The following ATP11A variants were observed in gnomAD, a reference collection of about 807,000 sequenced individuals.
ATP11A encodes ATPase phospholipid transporting 11A, also known as phospholipid-transporting ATPase IH.
A neutral mutation model predicts 154.4 loss-of-function variants in ATP11A; 81 were observed. The observed-to-expected ratio is 0.52, with a 90% CI of 0.44 to 0.63. The LOEUF is 0.63. Among genes scored for constraint, ATP11A ranks in the 30% least tolerant of loss-of-function variants. ATP11A has a pLI of 0.00. For missense variants in ATP11A, 1,316 were observed against 1,474.3 expected (o/e 0.89, Z 1.76); for synonymous variants, 623 against 585.9 (o/e 1.06, Z -0.91).
chr13:112,721,897 C>T (rs1367009079), intron 1 of ATP11A, among the ~76,000 whole-genome samples: 1 of 152,206 alleles, frequency 6.6e-6, no homozygotes, highest in Non-Finnish European at 1.5e-5. Context: ...CCGTCAGCAC[C>T]GCAGCCGCTG....
chr13:112,854,545 C>T lies in ATP11A; in HGVS notation c.2243+15C>T, dbSNP rs888472833. 2.5e-6 allele frequency: 4 copies of T among 1,595,788 alleles called. No individual in the cohort carries two copies. In the African/African-American group the frequency reaches 4.0e-5, roughly 16 times the overall value. On this transcript the variant is annotated intron_variant, in intron 19 of 29. Coordinates refer to ENST00000375645, the MANE Select transcript of ATP11A (RefSeq NM_015205.3). ...AACCTGTCCGGGTAGGCAGCGCGTC[C>T]CCGCCCCCACCCCCACACTCCCGCA...
At chr13:112,877,729 G>A (rs997708780) in intron 28 of ATP11A, among the ~76,000 whole-genome samples, 2 of 152,202 alleles carry the variant, frequency 1.3e-5, no homozygotes, top group African/African-American at 4.8e-5. Context: ...GCCTCTCCCC[G>A]CAGGAGTCTG....
chr13:112,744,643 G>A (rs1353029853), intron 1 of ATP11A, among the ~76,000 whole-genome samples: 2 of 152,172 alleles, frequency 1.3e-5, no homozygotes, highest in African/African-American at 2.4e-5. Flanking sequence ...GTCAGCTCTC[G>A]GCTCGGTGCT....
In ATP11A at chr13:112,856,042, G is replaced by A. The variant is rs1181358755; in HGVS notation, c.2375G>A (p.Ser792Asn). 3.7e-6 allele frequency: 6 copies of A among 1,613,908 alleles called. No homozygotes were observed. The African/African-American group carries it at 8.0e-5, about 22-fold the overall frequency. Reference sequence around the variant, plus strand: ...TTCCTGGAAATCTGCCGGAGCTGCAGCGCGGTGCTCTGCTGCCGCATGGCG... The same window carrying A: ...TTCCTGGAAATCTGCCGGAGCTGCAACGCGGTGCTCTGCTGCCGCATGGCG... The part of the protein sequence containing the change: ...ELFLEICRSC[S>N]AVLCCRMAPL... Residue 792 changes from serine (S) to asparagine (N), a missense_variant, in exon 20 of 30, where the codon AGC (serine) becomes AAC (asparagine). Physicochemically the swap from Ser to Asn is conservative, Grantham distance 46. Coordinates refer to ENST00000375645, the MANE Select transcript of ATP11A (RefSeq NM_015205.3).
intron 2 of ATP11A, among the ~76,000 whole-genome samples, chr13:112,794,188 C>T (rs768157134): frequency 3.3e-5 from 5 of 152,126 alleles, no homozygotes; most frequent in Non-Finnish European, 7.3e-5. Flanking sequence ...GCCAGGAGCT[C>T]CTAGGATTGA....
chr13:112,828,129 C>CAGTGTTGAGTGGGGGGAA (rs2078983906), intron 12 of ATP11A, among the ~76,000 whole-genome samples: 1 of 103,494 alleles, frequency 9.7e-6, no homozygotes. Flanking sequence ...AAGCGCCCAG[C>CAGTGTTGAGTGGGGGGAA]AGCGTTGAGT....
intron 2 of ATP11A, among the ~76,000 whole-genome samples, chr13:112,791,802 C>A (rs963789459): frequency 1.3e-5 from 2 of 152,190 alleles, no homozygotes; most frequent in Admixed American, 6.5e-5. Flanking sequence ...TCTTCAGTTT[C>A]TGATCCGGGG....
intron 1 of ATP11A, among the ~76,000 whole-genome samples, chr13:112,726,169 CA>C (rs1487644006): frequency 2.0e-5 from 3 of 150,928 alleles, no homozygotes; most frequent in Non-Finnish European, 3.0e-5. Flanking sequence ...GGAGAGGGGC[CA>C]GGGGGCACAG....
rs560197914 is a variant in ATP11A at position 112,777,483 on chromosome 13, G to A, written c.40-7652G>A. Among the ~76,000 whole-genome samples, 40 of 152,316 alleles carry A rather than the reference G, an allele frequency of 2.6e-4. No individual in the cohort carries two copies. The South Asian group carries it at 7.7e-3, about 29-fold the overall frequency. ...GGAGGCTGAGGCAGGAGAATGGCTTGAACCCGGGAGGCGAAGGTTGCAGTG... is the reference window on the plus strand; with the variant it reads ...GGAGGCTGAGGCAGGAGAATGGCTTAAACCCGGGAGGCGAAGGTTGCAGTG... On this transcript the variant is annotated intron_variant, in intron 1 of 29. Coordinates refer to ENST00000375645, the MANE Select transcript of ATP11A (RefSeq NM_015205.3).
chr13:112,832,656 A>G (rs1237651334), intron 13 of ATP11A, among the ~76,000 whole-genome samples: 1 of 152,214 alleles, frequency 6.6e-6, no homozygotes, highest in Non-Finnish European at 1.5e-5. Context: ...CTCACCCGTC[A>G]GTCTCAATTA....
At chr13:112,739,063 G>A (rs1406438810) in intron 1 of ATP11A, among the ~76,000 whole-genome samples, 1 of 152,178 alleles carries the variant, frequency 6.6e-6, no homozygotes, top group Non-Finnish European at 1.5e-5. Context: ...TGGATTAGGC[G>A]ATCTTTTCTT....
chr13:112,773,531 T>C (rs993576761), intron 1 of ATP11A, among the ~76,000 whole-genome samples: 1 of 152,134 alleles, frequency 6.6e-6, no homozygotes, highest in African/African-American at 2.4e-5. Flanking sequence ...AAAGAGCAAA[T>C]GAAGGGAATC....
At chr13:112,761,690 G>A (rs575667448) in intron 1 of ATP11A, among the ~76,000 whole-genome samples, 2 of 150,336 alleles carry the variant, frequency 1.3e-5, no homozygotes, top group African/African-American at 4.9e-5. Flanking sequence ...ACATAGGTTT[G>A]GGTACTATCT....
intron 1 of ATP11A, among the ~76,000 whole-genome samples, chr13:112,709,893 G>T (rs1887545017): frequency 6.6e-6 from 1 of 152,290 alleles, no homozygotes; most frequent in South Asian, 2.1e-4. Context: ...TCTGCAAATA[G>T]GAGCTGCGCC....
At position 112,882,200 on chromosome 13, in the gene ATP11A, C is replaced by T. The variant is rs1257678908; in HGVS notation, c.*334C>T. On this transcript the variant is annotated 3_prime_UTR_variant, in exon 30 of 30. Coordinates refer to ENST00000375645, the MANE Select transcript of ATP11A (RefSeq NM_015205.3). This position sits in a 1 kb window ranked among gnomAD's most constrained non-coding sequence, Gnocchi z 5.1. ...ACCCAGCACTGTGGTTGTTGAGCCA[C>T]ACCAGTGGCCTCTGGGCATTCGGCT... 8.8e-7 allele frequency: 1 copy of T among 1,132,948 alleles called. No individual in the cohort carries two copies. Among genetic ancestry groups the T allele is most frequent in the African/African-American group, 1.6e-5 (1 of 62,698 alleles). The allele number at this position is 1,132,948 out of a possible 1,614,324, so 70.2% of individuals were successfully genotyped here.
intron 16 of ATP11A, among the ~76,000 whole-genome samples, chr13:112,839,631 T>C (rs982441355): frequency 6.6e-6 from 1 of 152,202 alleles, no homozygotes; most frequent in Non-Finnish European, 1.5e-5. Context: ...TGTTCGGTTA[T>C]GTCACCTGTG....
chr13:112,853,529 G>A (rs1280073209), intron 18 of ATP11A, among the ~76,000 whole-genome samples: 1 of 152,102 alleles, frequency 6.6e-6, no homozygotes, highest in African/African-American at 2.4e-5. Context: ...CCAAAGTGAG[G>A]CAGACATGGT....
rs1352861485 is a variant in ATP11A, at chr13:112,807,376, T to C, written c.333+1083T>C. Among the ~76,000 whole-genome samples the C allele has an allele frequency of 6.6e-6, 1 of 152,174 alleles. No homozygotes were observed. Among genetic ancestry groups the C allele is most frequent in the Non-Finnish European group, 1.5e-5 (1 of 68,016 alleles). Reference sequence around the variant, plus strand: ...CTAGGATATTCATGGTGGCTGTCATTGATTAGCAAAGGACTCGGGCAACCT... The same window carrying C: ...CTAGGATATTCATGGTGGCTGTCATCGATTAGCAAAGGACTCGGGCAACCT... On this transcript the variant is annotated intron_variant, in intron 4 of 29. Coordinates refer to ENST00000375645, the MANE Select transcript of ATP11A (RefSeq NM_015205.3). The surrounding 1 kb of genome is among the most constrained non-coding windows in gnomAD (Gnocchi z 4.5).
At chr13:112,727,981 C>G (rs1293306828) in intron 1 of ATP11A, among the ~76,000 whole-genome samples, 1 of 152,236 alleles carries the variant, frequency 6.6e-6, no homozygotes, top group Non-Finnish European at 1.5e-5. Flanking sequence ...AGGGCCGTGT[C>G]TGGTGAGCAG....
Sources: allele counts gnomAD v4.1 joint callset (sites outside exome capture counted in the v4.1 genomes callset), GRCh38; gene constraint gnomAD v4.1.1; non-coding constraint Gnocchi (gnomAD v3.1); transcripts MANE v1.5; gene names NCBI Gene and HGNC (gene_info 2026-07-23, HGNC 2026-07-21).